The following LMX1A variants were observed in gnomAD, a reference collection of about 807,000 sequenced individuals.
The protein encoded by LMX1A is LIM homeobox transcription factor 1 alpha, also known as LIM homeobox transcription factor 1-alpha.
Under a neutral mutation model 49.1 loss-of-function variants are expected in LMX1A, and 15 were observed. That is an observed-to-expected ratio of 0.31 (90% CI 0.20 to 0.47). LMX1A has a LOEUF of 0.47. Among genes scored for constraint, LMX1A ranks in the 20% least tolerant of loss-of-function variants. The pLI is 1.00. For synonymous variants in LMX1A, 167 were observed against 185.7 expected, an observed-to-expected ratio of 0.90 and a Z score of 0.82; for missense variants, 372 against 475.8, an observed-to-expected ratio of 0.78 and a Z score of 2.03.
chr1:165,230,542 G>A (rs570636015), intron 4 of LMX1A, among the ~76,000 whole-genome samples: 6 of 152,232 alleles, frequency 3.9e-5, no homozygotes, highest in East Asian at 1.9e-4. Flanking sequence ...TGAGGTAAGC[G>A]GAACCAACAG....
chr1:165,204,185 G>T, intron 8 of LMX1A, 145 bp from the exon 9 acceptor site: 1 of 808,314 alleles, frequency 1.2e-6, no homozygotes, highest in East Asian at 2.7e-5. Context: ...TCTCTTTAGG[G>T]GGCTCAAGTC....
At chr1:165,234,213 G>T (rs1652340580) in intron 4 of LMX1A, among the ~76,000 whole-genome samples, 1 of 152,118 alleles carries the variant, frequency 6.6e-6, no homozygotes, top group Non-Finnish European at 1.5e-5. Context: ...CTCATGCCTG[G>T]ATACAACCCT....
intron 3 of LMX1A, among the ~76,000 whole-genome samples, chr1:165,284,928 A>G (rs1654262735): frequency 1.3e-5 from 2 of 152,338 alleles, no homozygotes. Context: ...AAAATCACGT[A>G]TGGTTGTTGC....
intron 4 of LMX1A, among the ~76,000 whole-genome samples, chr1:165,229,723 G>GT (rs66591531): frequency 2.0e-5 from 3 of 151,750 alleles, no homozygotes; most frequent in Non-Finnish European, 2.9e-5. Context: ...GGGTTTTTTT[G>GT]TTTTTTTGTT....
intron 3 of LMX1A, among the ~76,000 whole-genome samples, chr1:165,291,663 C>T (rs1392324682): frequency 6.6e-6 from 1 of 152,136 alleles, no homozygotes; most frequent in East Asian, 1.9e-4. Flanking sequence ...GCATCATTTC[C>T]ATTTTATAGA....
rs531063636 is a variant in LMX1A at position 165,235,437 on chromosome 1, C to T, written c.496+13971G>A. On this transcript the variant is annotated intron_variant, in intron 4 of 8. Transcript: ENST00000342310. ...ACACACACACACTCACACTCACACA[C>T]AAATAAATCCCCAGCACCTGCCTCG... is the stretch of plus-strand genomic sequence containing the variant. 2.6e-4 allele frequency among the ~76,000 whole-genome samples: 40 copies of T among 152,326 alleles called. 1 individual carries two copies. Among genetic ancestry groups the T allele is most frequent in the African/African-American group, 9.1e-4 (38 of 41,588 alleles).
intron 8 of LMX1A, 106 bp from the exon 9 acceptor site, chr1:165,204,146 A>G (rs551653745): frequency 5.8e-6 from 7 of 1,211,404 alleles, no homozygotes; most frequent in Non-Finnish European, 7.0e-6. Context: ...CACAGGCTCC[A>G]GGTGAAACTT....
intron 4 of LMX1A, among the ~76,000 whole-genome samples, chr1:165,232,600 T>C (rs1652275884): frequency 6.6e-6 from 1 of 152,218 alleles, no homozygotes; most frequent in Non-Finnish European, 1.5e-5. Flanking sequence ...GCTTCTTATG[T>C]TGTAGCTGGT....
chr1:165,294,912 C>T (rs1654574116), intron 3 of LMX1A, among the ~76,000 whole-genome samples: 3 of 151,910 alleles, frequency 2.0e-5, no homozygotes, highest in Non-Finnish European at 2.9e-5. Flanking sequence ...TGCAATGAGC[C>T]GAGATCACGC....
chr1:165,336,098 C>T (rs1368253736), intron 3 of LMX1A, among the ~76,000 whole-genome samples: 1 of 151,868 alleles, frequency 6.6e-6, no homozygotes, highest in African/African-American at 2.4e-5. Context: ...ATCCCTAAAA[C>T]GTATGTAAAG....
intron 4 of LMX1A, among the ~76,000 whole-genome samples, chr1:165,231,470 G>C (rs909271692): frequency 6.6e-6 from 1 of 151,986 alleles, no homozygotes; most frequent in Non-Finnish European, 1.5e-5. Context: ...ACCATGCCAG[G>C]CTAATTTTGT....
intron 3 of LMX1A, among the ~76,000 whole-genome samples, chr1:165,279,620 C>T (rs1487879655): frequency 6.6e-6 from 1 of 152,322 alleles, no homozygotes; most frequent in African/African-American, 2.4e-5. Context: ...CTGATGCTGC[C>T]TGTCCAGGAC....
intron 4 of LMX1A, among the ~76,000 whole-genome samples, chr1:165,222,259 G>A (rs939501617): frequency 6.6e-6 from 1 of 152,184 alleles, no homozygotes; most frequent in African/African-American, 2.4e-5. Context: ...CTCATAACAA[G>A]TCGATTCAGA....
At chr1:165,330,700 A>G (rs1027124173) in intron 3 of LMX1A, among the ~76,000 whole-genome samples, 2 of 152,248 alleles carry the variant, frequency 1.3e-5, no homozygotes, top group Non-Finnish European at 2.9e-5. Context: ...CTTTAGTCAT[A>G]CAGGGTAACT....
chr1:165,338,912 G>A (rs1655980966), intron 3 of LMX1A, among the ~76,000 whole-genome samples: 1 of 152,136 alleles, frequency 6.6e-6, no homozygotes, highest in Non-Finnish European at 1.5e-5. Flanking sequence ...CCTAGACCTA[G>A]GGAAGTATTC....
intron 4 of LMX1A, among the ~76,000 whole-genome samples, chr1:165,231,484 T>A (rs1364938096): frequency 6.6e-6 from 1 of 152,088 alleles, no homozygotes; most frequent in Non-Finnish European, 1.5e-5. Flanking sequence ...ATTTTGTATT[T>A]TGTTGCCCAG....
At chr1:165,210,907 A>G in intron 5 of LMX1A, 131 bp from the exon 6 acceptor site, 1 of 489,084 alleles carries the variant, frequency 2.0e-6, no homozygotes. Context: ...TTTAATGTTG[A>G]GCATACACAC....
intron 3 of LMX1A, among the ~76,000 whole-genome samples, chr1:165,336,766 G>C (rs918707692): frequency 5.3e-5 from 8 of 152,050 alleles, no homozygotes; most frequent in Non-Finnish European, 1.2e-4. Flanking sequence ...CTTCCTCAAC[G>C]ACCTAATGCC....
intron 3 of LMX1A, among the ~76,000 whole-genome samples, chr1:165,339,334 G>A (rs1039106160): frequency 1.3e-5 from 2 of 152,200 alleles, no homozygotes; most frequent in African/African-American, 4.8e-5. Flanking sequence ...CACAGAAAGC[G>A]AAAGCTCTTC....
Sources: allele counts gnomAD v4.1 joint callset (sites outside exome capture counted in the v4.1 genomes callset), GRCh38; gene constraint gnomAD v4.1.1; transcripts MANE v1.5; gene names NCBI Gene and HGNC (gene_info 2026-07-23, HGNC 2026-07-21).